Variants in GULP1 observed in about 807,000 individuals in gnomAD.
GULP1 encodes GULP PTB domain containing engulfment adaptor 1, also known as PTB domain-containing engulfment adapter protein 1.
In GULP1, 19 loss-of-function variants were observed where a neutral mutation model predicts 40.9. The ratio of observed to expected loss-of-function variants is 0.46; its 90% CI spans 0.32 to 0.68. The LOEUF (loss-of-function observed/expected upper bound fraction) is 0.68. Ranked by LOEUF, GULP1 falls within the 30% of genes least tolerant of loss-of-function variation. The probability of loss-of-function intolerance (pLI) is 0.03; values close to 1 mark genes in which losing one functional copy is unlikely to be tolerated. For synonymous variants in GULP1, 119 were observed against 117.6 expected (o/e 1.01, Z -0.08); for missense variants, 312 against 362.2 (o/e 0.86, Z 1.12).
chr2:188,488,201 A>G (rs973898421), intron 4 of GULP1, among the ~76,000 whole-genome samples: 1 of 151,982 alleles, frequency 6.6e-6, no homozygotes, highest in African/African-American at 2.4e-5. Flanking sequence ...CTCTATACCA[A>G]CAACTCCACT....
At chr2:188,411,545 C>G (rs2053885380) in intron 2 of GULP1, among the ~76,000 whole-genome samples, 1 of 152,162 alleles carries the variant, frequency 6.6e-6, no homozygotes, top group African/African-American at 2.4e-5. Flanking sequence ...TCATCCTACC[C>G]AGTTGATTAT....
chr2:188,493,649 A>G (rs1380692435), intron 4 of GULP1, among the ~76,000 whole-genome samples: 1 of 152,104 alleles, frequency 6.6e-6, no homozygotes. Context: ...AATCAGGCTT[A>G]TGAGAGTCTT....
intron 4 of GULP1, among the ~76,000 whole-genome samples, chr2:188,519,888 C>T (rs2065564418): frequency 6.6e-6 from 1 of 152,072 alleles, no homozygotes; most frequent in Non-Finnish European, 1.5e-5. Context: ...AGGCAGATCT[C>T]TTGCCTCAAA....
Position 188,595,778 on chromosome 2 carries a change from C to T in GULP1, c.*1767C>T, listed in dbSNP as rs1353124207. ...TTTTTAATGGTAATCAACTCTGCTA[C>T]TGGCATGATGAAATAGTACATAACT... is the stretch of plus-strand genomic sequence containing the variant. On this transcript the variant is annotated 3_prime_UTR_variant, in exon 12 of 12. Coordinates refer to ENST00000409830, the MANE Select transcript of GULP1 (RefSeq NM_016315.4). The T allele has an allele frequency of 6.6e-6, 1 of 152,202 alleles. No homozygotes were observed. 9.4% of individuals were successfully genotyped at this position (152,202 alleles called of 1,614,324 possible).
chr2:188,386,650 G>A (rs190178938), intron 2 of GULP1, among the ~76,000 whole-genome samples: 1 of 152,004 alleles, frequency 6.6e-6, no homozygotes, highest in Non-Finnish European at 1.5e-5. Flanking sequence ...AGCATTACTA[G>A]AATTGGTATC....
chr2:188,324,125 T>A (rs1460888533), intron 1 of GULP1, among the ~76,000 whole-genome samples: 5 of 152,034 alleles, frequency 3.3e-5, no homozygotes, highest in African/African-American at 1.2e-4. Flanking sequence ...ATGAGAGGAA[T>A]AAGAAAATAA....
chr2:188,348,955 T>G (rs1481786349), intron 1 of GULP1, among the ~76,000 whole-genome samples: 1 of 152,242 alleles, frequency 6.6e-6, no homozygotes, highest in Non-Finnish European at 1.5e-5. Context: ...ATGGAAATTA[T>G]TGAAACCTTC....
intron 1 of GULP1, among the ~76,000 whole-genome samples, chr2:188,332,794 G>C (rs963732393): frequency 6.6e-6 from 1 of 152,100 alleles, no homozygotes; most frequent in Non-Finnish European, 1.5e-5. Context: ...TCAGAACTGT[G>C]AGTAATTTGA....
intron 11 of GULP1, chr2:188,591,048 T>C (rs1703456716): frequency 6.6e-6 from 1 of 152,068 alleles, no homozygotes; most frequent in Non-Finnish European, 1.5e-5. Context: ...ATTTACTGTC[T>C]AAAAATATAT....
chr2:188,528,782 A>G (rs1406510631), intron 5 of GULP1, among the ~76,000 whole-genome samples: 2 of 152,138 alleles, frequency 1.3e-5, no homozygotes, highest in Admixed American at 6.6e-5. Flanking sequence ...AAACAAACTG[A>G]TCTCTACATA....
intron 2 of GULP1, among the ~76,000 whole-genome samples, chr2:188,421,879 A>T (rs976548265): frequency 6.6e-6 from 1 of 152,142 alleles, no homozygotes; most frequent in African/African-American, 2.4e-5. Flanking sequence ...TTTGAACTTT[A>T]TCCAACTTCC....
intron 9 of GULP1, among the ~76,000 whole-genome samples, chr2:188,575,026 A>T (rs1699889849): frequency 2.0e-5 from 3 of 152,196 alleles, no homozygotes; most frequent in Non-Finnish European, 4.4e-5. Context: ...ATACATGAAC[A>T]TGAATTGGTC....
At chr2:188,328,356 C>T (rs554504953) in intron 1 of GULP1, among the ~76,000 whole-genome samples, 1 of 152,168 alleles carries the variant, frequency 6.6e-6, no homozygotes, top group East Asian at 1.9e-4. Flanking sequence ...AAATGAGATT[C>T]GTCTCTTAAT....
At chr2:188,536,858 C>T (rs1689074154) in intron 6 of GULP1, among the ~76,000 whole-genome samples, 1 of 151,956 alleles carries the variant, frequency 6.6e-6, no homozygotes, top group East Asian at 1.9e-4. Context: ...TGATTTTTTT[C>T]CACAGTGTTT....
chr2:188,452,102 C>T (rs1475080311), intron 2 of GULP1, among the ~76,000 whole-genome samples: 1 of 152,262 alleles, frequency 6.6e-6, no homozygotes, highest in South Asian at 2.1e-4. Flanking sequence ...ACTTAGCTTT[C>T]TAAATTGAAA....
chr2:188,412,207 A>G (rs2053980947), intron 2 of GULP1, among the ~76,000 whole-genome samples: 2 of 152,136 alleles, frequency 1.3e-5, no homozygotes, highest in South Asian at 4.1e-4. Flanking sequence ...GGAAGTGCCC[A>G]GCAAAAGGGG....
rs56274020 is a variant in GULP1 at position 188,368,939 on chromosome 2, G to GTATATATATATATATATATA, written c.-171-14804_-171-14785dup. Among the ~76,000 whole-genome samples, 39 of 86,066 alleles carry GTATATATATATATATATATA rather than the reference G, an allele frequency of 4.5e-4. 1 individual carries two copies. The highest frequency in any genetic ancestry group is 5.3e-4 in the African/African-American group (13 of 24,312). 56.5% of individuals were successfully genotyped at this position (86,066 alleles called of 152,430 possible). Reference sequence around the variant, plus strand: ...TATATATATGTATATATATATGTGTGTATATATATATATATATATATATAT... The same window carrying GTATATATATATATATATATA: ...TATATATATGTATATATATATGTGTGTATATATATATATATATATATATATATATATATATATATATATAT... On this transcript the variant is annotated intron_variant, in intron 1 of 11. Transcript: ENST00000409830.
Position 188,578,306 on chromosome 2 carries a change from A to G in GULP1, c.610-5959A>G, listed in dbSNP as rs374068818. ...TATTTCTTTTTGTTGTCACATTTATATAAAACTCAAGGTTGAAATATTCAC... is the reference window on the plus strand; with the variant it reads ...TATTTCTTTTTGTTGTCACATTTATGTAAAACTCAAGGTTGAAATATTCAC... On this transcript the variant is annotated intron_variant, in intron 9 of 11. Coordinates refer to ENST00000409830, the MANE Select transcript of GULP1 (RefSeq NM_016315.4). Among the ~76,000 whole-genome samples, 11 of 152,124 alleles carry G rather than the reference A, an allele frequency of 7.2e-5. No individual in the cohort carries two copies. In the East Asian group the frequency reaches 1.2e-3, roughly 16 times the overall value.
chr2:188,321,828 C>A (rs1350257249), intron 1 of GULP1, among the ~76,000 whole-genome samples: 1 of 151,902 alleles, frequency 6.6e-6, no homozygotes, highest in Non-Finnish European at 1.5e-5. Flanking sequence ...ACCAGCCTGA[C>A]CAACATGGTG....
Sources: allele counts gnomAD v4.1 joint callset (sites outside exome capture counted in the v4.1 genomes callset), GRCh38; gene constraint gnomAD v4.1.1; transcripts MANE v1.5; gene names NCBI Gene and HGNC (gene_info 2026-07-23, HGNC 2026-07-21).